Variants in SLC30A7 observed in about 807,000 individuals in gnomAD.
SLC30A7 encodes the protein zinc transporter 7.
In SLC30A7, 35 loss-of-function variants were observed where a neutral mutation model predicts 46.0. The ratio of observed to expected loss-of-function variants is 0.76; its 90% CI spans 0.58 to 1.01. The LOEUF is 1.01. Ranked by LOEUF, SLC30A7 falls within the 50% of genes least tolerant of loss-of-function variation. SLC30A7 has a pLI of 0.00. For synonymous variants in SLC30A7, 147 were observed against 157.8 expected, an observed-to-expected ratio of 0.93 and a Z score of 0.51; for missense variants, 464 against 451.1, an observed-to-expected ratio of 1.03 and a Z score of -0.26.
intron 8 of SLC30A7, among the ~76,000 whole-genome samples, chr1:100,945,367 T>TA (rs571061289): frequency 1.4e-3 from 208 of 152,348 alleles, no homozygotes; most frequent in African/African-American, 5.0e-3. Flanking sequence ...TGCCCATGCT[T>TA]ATGTCCTGAA....
intron 8 of SLC30A7, among the ~76,000 whole-genome samples, chr1:100,928,490 A>G: frequency 6.6e-6 from 1 of 152,182 alleles, no homozygotes; most frequent in Non-Finnish European, 1.5e-5. Flanking sequence ...TATGTTGACA[A>G]AGAAACTTGG....
At chr1:100,898,336 T>G (rs1651103755) in intron 2 of SLC30A7, among the ~76,000 whole-genome samples, 1 of 152,202 alleles carries the variant, frequency 6.6e-6, no homozygotes, top group Non-Finnish European at 1.5e-5. Flanking sequence ...AGAGATCTGT[T>G]GGGGAGATTA....
chr1:100,962,426 G>A (rs1045655636), intron 9 of SLC30A7, among the ~76,000 whole-genome samples: 20 of 152,188 alleles, frequency 1.3e-4, no homozygotes, highest in African/African-American at 4.8e-4. Context: ...TTATATTCAA[G>A]GAAATTGAAA....
Position 100,906,978 on chromosome 1 carries a change from GA to G in SLC30A7, c.296+21del, listed in dbSNP as rs745779079. The G allele has an allele frequency of 1.3e-5, 20 of 1,524,728 alleles. No individual in the cohort carries two copies. The highest frequency in any genetic ancestry group is 1.8e-5 in the Admixed American group (1 of 55,398). 94.4% of individuals were successfully genotyped at this position (1,524,728 alleles called of 1,614,324 possible). ...CTTTCTCCTATGGGTAAGACTTTAA[GA>G]AAAAAAATCTTTTTATTGAAGTATA... On this transcript the variant is annotated intron_variant, in intron 3 of 10. Coordinates refer to ENST00000357650, the MANE Select transcript of SLC30A7 (RefSeq NM_133496.5).
intron 6 of SLC30A7, among the ~76,000 whole-genome samples, chr1:100,914,535 T>C (rs1652352002): frequency 6.6e-6 from 1 of 152,218 alleles, no homozygotes; most frequent in Non-Finnish European, 1.5e-5. Context: ...TTTACCTCTA[T>C]GTTTTTTTTA....
chr1:100,946,535 G>A (rs572835165), intron 8 of SLC30A7, among the ~76,000 whole-genome samples: 1 of 152,244 alleles, frequency 6.6e-6, no homozygotes, highest in African/African-American at 2.4e-5. Context: ...TGCATCTTTT[G>A]AGATAATCAT....
At chr1:100,974,701 C>T in intron 10 of SLC30A7, 109 bp from the exon 11 acceptor site, 10 of 730,982 alleles carry the variant, frequency 1.4e-5, no homozygotes, top group South Asian at 7.7e-5. Flanking sequence ...TGATTCTTTT[C>T]TTTTTTTAAA....
chr1:100,953,227 CTCT>C (rs1325659229), intron 8 of SLC30A7, among the ~76,000 whole-genome samples: 1 of 152,114 alleles, frequency 6.6e-6, no homozygotes, highest in East Asian at 1.9e-4. Context: ...TCAATTAAAC[CTCT>C]TCTTTTCATA....
intron 8 of SLC30A7, chr1:100,941,840 G>T: frequency 2.0e-6 from 1 of 509,972 alleles, no homozygotes; most frequent in South Asian, 1.6e-5. Context: ...AGTGCCTGGT[G>T]TTTGGATCTC....
chr1:100,981,478 T>C lies in SLC30A7; in HGVS notation c.*6621T>C, dbSNP rs1440583861. 1 of 152,200 alleles carries C rather than the reference T, an allele frequency of 6.6e-6. No homozygotes were observed. Among genetic ancestry groups the C allele is most frequent in the Non-Finnish European group, 1.5e-5 (1 of 68,028 alleles). 9.4% of individuals were successfully genotyped at this position (152,200 alleles called of 1,614,324 possible). A position where few individuals can be genotyped will look rare whatever the true frequency, so the allele number is the denominator to read the frequency against. On this transcript the variant is annotated 3_prime_UTR_variant, in exon 11 of 11. Coordinates refer to ENST00000357650, the MANE Select transcript of SLC30A7 (RefSeq NM_133496.5). ...AAGTTAGTATTTGGGTTTGATTCCT[T>C]TGGTGAAGATTAAGGCATCAAAACA...
intron 8 of SLC30A7, among the ~76,000 whole-genome samples, chr1:100,928,524 A>C (rs1287075348): frequency 6.6e-6 from 1 of 152,120 alleles, no homozygotes; most frequent in African/African-American, 2.4e-5. Flanking sequence ...AAGATAAGGA[A>C]AAATTACCAT....
chr1:100,991,813 T>C, the SLC30A7 span, among the ~76,000 whole-genome samples: 1 of 113,480 alleles, frequency 8.8e-6, no homozygotes, highest in Non-Finnish European at 1.9e-5. Flanking sequence ...AGTCTCACAG[T>C]GGGCCAGGCG....
chr1:100,921,677 T>C (rs1440327746), intron 7 of SLC30A7, 29 bp from the exon 8 acceptor site: 1 of 1,566,354 alleles, frequency 6.4e-7, no homozygotes, highest in East Asian at 2.3e-5. Flanking sequence ...CAAAAGACTG[T>C]TTTGATTTTT....
the SLC30A7 span, among the ~76,000 whole-genome samples, chr1:100,987,558 CCCTA>C: frequency 6.6e-6 from 1 of 152,166 alleles, no homozygotes; most frequent in East Asian, 1.9e-4. Context: ...ATTACAACCA[CCCTA>C]CCTTTTTGTC....
intron 10 of SLC30A7, chr1:100,972,220 A>G (rs1183821123): frequency 3.8e-6 from 1 of 261,948 alleles, no homozygotes; most frequent in African/African-American, 2.3e-5. Context: ...CTTAGTTTGC[A>G]TTCAGAGAGT....
chr1:100,946,628 A>T (rs1248690542), intron 8 of SLC30A7, among the ~76,000 whole-genome samples: 1 of 152,222 alleles, frequency 6.6e-6, no homozygotes, highest in Admixed American at 6.5e-5. Context: ...CATCCCAGAG[A>T]TGAAGCCCAC....
At chr1:100,914,903 G>C (rs979061451) in intron 6 of SLC30A7, among the ~76,000 whole-genome samples, 30 of 151,918 alleles carry the variant, frequency 2.0e-4, no homozygotes, top group African/African-American at 6.8e-4. Context: ...CTGCACTCCA[G>C]CCTGGACAAT....
intron 6 of SLC30A7, among the ~76,000 whole-genome samples, chr1:100,915,972 G>C (rs936593987): frequency 2.0e-5 from 3 of 151,994 alleles, no homozygotes; most frequent in Admixed American, 1.3e-4. Flanking sequence ...ATCCTAACAG[G>C]TATGATATGA....
At chr1:100,909,450 A>G (rs1557976954) in intron 3 of SLC30A7, among the ~76,000 whole-genome samples, 1 of 152,154 alleles carries the variant, frequency 6.6e-6, no homozygotes, top group African/African-American at 2.4e-5. Context: ...GTATATACAT[A>G]TGTACCTATA....
Sources: gnomAD v4.1 joint callset for allele counts (sites outside exome capture counted in the v4.1 genomes callset) on GRCh38, gnomAD v4.1.1 for gene constraint, MANE v1.5 for transcripts, NCBI Gene and HGNC (gene_info 2026-07-23, HGNC 2026-07-21) for gene names.